BMAL1: variants seen among roughly 807,000 people sequenced by gnomAD.
The protein encoded by BMAL1 is basic helix-loop-helix ARNT like 1, also known as basic helix-loop-helix ARNT-like protein 1.
the BMAL1 span, among the ~76,000 whole-genome samples, chr11:13,315,844 C>T: frequency 1.3e-5 from 2 of 152,170 alleles, no homozygotes; most frequent in Non-Finnish European, 2.9e-5. Context: ...TGCTTCTTGC[C>T]TTTTGCATCA....
the BMAL1 span, among the ~76,000 whole-genome samples, chr11:13,360,748 CCAA>C: frequency 1.3e-5 from 2 of 152,130 alleles, no homozygotes; most frequent in African/African-American, 4.8e-5. Flanking sequence ...GGGACTGAAA[CCAA>C]CAACAATTGA....
At chr11:13,350,775 ATATT>A in the BMAL1 span, among the ~76,000 whole-genome samples, 10 of 152,368 alleles carry the variant, frequency 6.6e-5, no homozygotes, top group South Asian at 6.2e-4. Context: ...AGAAAAAAGA[ATATT>A]TATATTATTT....
At chr11:13,311,548 T>C in the BMAL1 span, among the ~76,000 whole-genome samples, 1 of 152,086 alleles carries the variant, frequency 6.6e-6, no homozygotes, top group African/African-American at 2.4e-5. Context: ...GATAAAGAAT[T>C]GAGATGTTAC....
At chr11:13,279,499 C>T in the BMAL1 span, among the ~76,000 whole-genome samples, 4 of 152,002 alleles carry the variant, frequency 2.6e-5, no homozygotes, top group African/African-American at 9.7e-5. Flanking sequence ...ATTAATGTAC[C>T]CGTTGAATCA....
At chr11:13,357,003 C>T in the BMAL1 span, 1 of 1,613,032 alleles carries the variant, frequency 6.2e-7, no homozygotes, top group Non-Finnish European at 8.5e-7. The surrounding 1 kb of genome is among the most constrained non-coding windows in gnomAD (Gnocchi z 4.8). Flanking sequence ...GTAACTTTGC[C>T]ATTCATCTCC....
chr11:13,287,991 G>A, the BMAL1 span, among the ~76,000 whole-genome samples: 25 of 152,328 alleles, frequency 1.6e-4, no homozygotes, highest in African/African-American at 5.5e-4. Context: ...GAGCATTGTA[G>A]AAGGGAGGAG....
chr11:13,299,073 A>T, the BMAL1 span, among the ~76,000 whole-genome samples: 1 of 151,952 alleles, frequency 6.6e-6, no homozygotes, highest in Non-Finnish European at 1.5e-5. Flanking sequence ...ATCCATCAGG[A>T]CCCTTACAAG....
chr11:13,362,324 G>A, the BMAL1 span, among the ~76,000 whole-genome samples: 3 of 152,250 alleles, frequency 2.0e-5, no homozygotes, highest in South Asian at 6.2e-4. Context: ...GTTAGGTCAG[G>A]TTTTTTACAT....
the BMAL1 span, among the ~76,000 whole-genome samples, chr11:13,288,394 TTTTCTTTC>T: frequency 2.3e-5 from 1 of 43,302 alleles, no homozygotes; most frequent in Non-Finnish European, 6.5e-5. Context: ...GGATTTTCTT[TTTTCTTTC>T]TTTCTTTCTT....
the BMAL1 span, chr11:13,354,201 C>CCCCCCCCCCCCCCCAAA: frequency 1.6e-6 from 1 of 616,122 alleles, no homozygotes; most frequent in South Asian, 2.0e-5. Flanking sequence ...CCCCCCCCGG[C>CCCCCCCCCCCCCCCAAA]CCCCCACCAC....
chr11:13,337,982 A>G, the BMAL1 span, among the ~76,000 whole-genome samples: 1 of 152,082 alleles, frequency 6.6e-6, no homozygotes, highest in African/African-American at 2.4e-5. Flanking sequence ...ACGAAACAAC[A>G]CTGACTAGCA....
the BMAL1 span, chr11:13,381,039 T>G: frequency 1.1e-6 from 1 of 901,694 alleles, no homozygotes; most frequent in African/African-American, 1.6e-5. Context: ...TCTGGCCCCT[T>G]ACAGAAAAAG....
chr11:13,294,322 T>G, the BMAL1 span, among the ~76,000 whole-genome samples: 1 of 152,210 alleles, frequency 6.6e-6, no homozygotes, highest in African/African-American at 2.4e-5. Flanking sequence ...GAAAATGCAC[T>G]GAAATATCAA....
chr11:13,297,027 C>T, the BMAL1 span, among the ~76,000 whole-genome samples: 1 of 152,142 alleles, frequency 6.6e-6, no homozygotes, highest in Non-Finnish European at 1.5e-5. Context: ...TCTCTACAGC[C>T]CAGGTGTCTC....
chr11:13,366,542 A>G, the BMAL1 span: 2 of 850,960 alleles, frequency 2.4e-6, no homozygotes, highest in East Asian at 5.1e-5. Context: ...TTCACATAGG[A>G]AAAGTTTGAG....
At chr11:13,286,473 T>G in the BMAL1 span, among the ~76,000 whole-genome samples, 1 of 152,218 alleles carries the variant, frequency 6.6e-6, no homozygotes, top group South Asian at 2.1e-4. Context: ...CTCTTTGAAC[T>G]TTGATTTCTC....
the BMAL1 span, among the ~76,000 whole-genome samples, chr11:13,285,043 C>T: frequency 2.0e-4 from 30 of 152,342 alleles, no homozygotes; most frequent in African/African-American, 7.0e-4. Context: ...TCCCTTGAGG[C>T]CTCTCTTCCT....
chr11:13,294,093 G>A, the BMAL1 span, among the ~76,000 whole-genome samples: 1 of 152,120 alleles, frequency 6.6e-6, no homozygotes, highest in Non-Finnish European at 1.5e-5. Flanking sequence ...GAAAATGGGG[G>A]CTCAGTGGAA....
the BMAL1 span, among the ~76,000 whole-genome samples, chr11:13,297,749 C>T: frequency 6.6e-6 from 1 of 152,238 alleles, no homozygotes; most frequent in South Asian, 2.1e-4. Flanking sequence ...TGCTTTCCAT[C>T]CTAGCTGAGT....
Sources: gnomAD v4.1 joint callset for allele counts (sites outside exome capture counted in the v4.1 genomes callset) on GRCh38, gnomAD v4.1.1 for gene constraint, Gnocchi (gnomAD v3.1) non-coding constraint, MANE v1.5 for transcripts, NCBI Gene and HGNC (gene_info 2026-07-23, HGNC 2026-07-21) for gene names.